NDUFB7: variants seen among roughly 807,000 people sequenced by gnomAD.
NDUFB7 encodes the protein NADH dehydrogenase [ubiquinone] 1 beta subcomplex subunit 7.
In NDUFB7, 18 loss-of-function variants were observed where a neutral mutation model predicts 14.7. The ratio of observed to expected loss-of-function variants is 1.22; its 90% CI spans 0.85 to 1.81. The LOEUF (loss-of-function observed/expected upper bound fraction) is 1.81, where lower values mean the gene tolerates loss of function less well. Ranked by LOEUF, NDUFB7 falls within the 40% of genes most tolerant of loss-of-function variation. NDUFB7 has a pLI of 0.00. For missense variants in NDUFB7, 219 were observed against 195.0 expected (o/e 1.12, Z -0.73); for synonymous variants, 86 against 76.1 (o/e 1.13, Z -0.68).
Position 14,566,853 on chromosome 19 carries a change from G to A in NDUFB7, c.193C>T (p.Arg65Trp), listed in dbSNP as rs374505942. 27 of 1,568,152 alleles carry A rather than the reference G, an allele frequency of 1.7e-5. No homozygotes were observed. Among genetic ancestry groups the A allele is most frequent in the South Asian group, 3.5e-5 (3 of 85,818 alleles). Residue 65 changes from arginine (R) to tryptophan (W), a missense_variant, in exon 2 of 3, where the codon CGG (arginine) becomes TGG (tryptophan). By Grantham distance (101) the Arg-to-Trp change is moderately radical. Transcript: ENST00000215565. ...CTGTCACGCTTGCACTTGAGCAGCCGGATGAGGTGGTGGGCGCAGTAGTCC... is the reference window on the plus strand; with the variant it reads ...CTGTCACGCTTGCACTTGAGCAGCCAGATGAGGTGGTGGGCGCAGTAGTCC... ...LRDYCAHHLI[R>W]LLKCKRDSFP...
rs1415062578 is a variant in NDUFB7, at chr19:14,567,403, G to A, written c.113-470C>T. On this transcript the variant is annotated intron_variant, in intron 1 of 2. Coordinates refer to ENST00000215565, the MANE Select transcript of NDUFB7 (RefSeq NM_004146.6). This position sits in a 1 kb window ranked among gnomAD's most constrained non-coding sequence, Gnocchi z 5.1. ...GCCCAGCTCTGCACTGGCCGGCGGC[G>A]TGGCCTCTCTCTCAGCCTCAGAACT... is the stretch of plus-strand genomic sequence containing the variant. Among the ~76,000 whole-genome samples the A allele has an allele frequency of 1.0e-5, 1 of 99,820 alleles. No individual in the cohort carries two copies. Among genetic ancestry groups the A allele is most frequent in the Non-Finnish European group, 2.2e-5 (1 of 45,660 alleles). 65.5% of individuals were successfully genotyped at this position (99,820 alleles called of 152,430 possible). A position where few individuals can be genotyped will look rare whatever the true frequency, so the allele number is the denominator to read the frequency against.
rs1411217648 is a variant in NDUFB7 at position 14,571,926 on chromosome 19, G to A, written c.75C>T (p.Phe25=). The A allele has an allele frequency of 6.8e-6, 11 of 1,612,282 alleles. No homozygotes were observed. Among genetic ancestry groups the A allele is most frequent in the Non-Finnish European group, 8.5e-6 (10 of 1,179,538 alleles). ...GTTCGGGGAAGCCGTAGTCTGGCGG[G>A]AAGGTTGGCATCTGCAGGGGGTCGG... ...VEPDPLQMPT[F]PPDYGFPERK... is the part of the protein sequence containing the mutation. The change falls in exon 1 of 3, where the codon TTC becomes TTT. Residue 25 remains phenylalanine, a synonymous_variant. Coordinates refer to ENST00000215565, the MANE Select transcript of NDUFB7 (RefSeq NM_004146.6).
chr19:14,569,921 C>T (rs951378161), intron 1 of NDUFB7, among the ~76,000 whole-genome samples: 5 of 152,142 alleles, frequency 3.3e-5, no homozygotes, highest in East Asian at 1.9e-4. Flanking sequence ...CAGACAGTCT[C>T]GCTCTGTCAC....
At chr19:14,566,370 C>G in intron 2 of NDUFB7, 105 bp from the exon 3 acceptor site, 1 of 1,547,754 alleles carries the variant, frequency 6.5e-7, no homozygotes, top group South Asian at 1.2e-5. Context: ...GGGGAGGCCT[C>G]TGAAGAAGAC....
intron 1 of NDUFB7, among the ~76,000 whole-genome samples, chr19:14,570,036 C>A (rs770028532): frequency 3.6e-4 from 55 of 151,774 alleles, no homozygotes; most frequent in Admixed American, 8.5e-4. Context: ...GGATTACAGG[C>A]ATGCGCCACC....
chr19:14,568,338 C>G (rs2074105417), intron 1 of NDUFB7, among the ~76,000 whole-genome samples: 1 of 152,182 alleles, frequency 6.6e-6, no homozygotes, highest in African/African-American at 2.4e-5. Flanking sequence ...AGCCACTGTG[C>G]CCGGCCTGAG....
chr19:14,570,451 C>T (rs1002984459), intron 1 of NDUFB7, among the ~76,000 whole-genome samples: 1 of 151,306 alleles, frequency 6.6e-6, no homozygotes, highest in Non-Finnish European at 1.5e-5. Flanking sequence ...CTGCCCGCCT[C>T]GGCCTCCCAA....
chr19:14,572,058 A>C lies in NDUFB7; in HGVS notation c.-58T>G. The C allele has an allele frequency of 7.6e-7, 1 of 1,308,414 alleles. No individual in the cohort carries two copies. Among genetic ancestry groups the C allele is most frequent in the Non-Finnish European group, 1.1e-6 (1 of 948,280 alleles). 81.1% of individuals were successfully genotyped at this position (1,308,414 alleles called of 1,614,324 possible). On this transcript the variant is annotated 5_prime_UTR_variant, in exon 1 of 3. Coordinates refer to ENST00000215565, the MANE Select transcript of NDUFB7 (RefSeq NM_004146.6). ...GAGGGTCACCTAGCTCCTACCCGGA[A>C]CCACTGACCCCTCAGTCAGACACAG...
chr19:14,571,988 G>C lies in NDUFB7; in HGVS notation c.13C>G (p.Leu5Val), dbSNP rs768563420. 3.1e-6 allele frequency: 5 copies of C among 1,603,614 alleles called. No homozygotes were observed. The Admixed American group carries it at 6.9e-5, about 22-fold the overall frequency. Residue 5 changes from leucine (L) to valine (V), a missense_variant, in exon 1 of 3, where the codon CTG (leucine) becomes GTG (valine). Leu to Val is a conservative substitution (Grantham distance 32). Transcript: ENST00000215565. ...GCATCGCCCAGGTAGCGCCGGACCA[G>C]GTGGGCCCCCATGGCTGCAGTCGCT... Reference protein sequence around the residue: MGAHLVRRYLGDASV... With the variant: MGAHVVRRYLGDASV...
chr19:14,570,964 C>T (rs2074121678), intron 1 of NDUFB7, among the ~76,000 whole-genome samples: 1 of 151,864 alleles, frequency 6.6e-6, no homozygotes, highest in Non-Finnish European at 1.5e-5. Context: ...TTGAGACCAG[C>T]CTGGGCAACA....
At chr19:14,568,036 G>C (rs1183139704) in intron 1 of NDUFB7, among the ~76,000 whole-genome samples, 2 of 152,070 alleles carry the variant, frequency 1.3e-5, no homozygotes, top group Non-Finnish European at 2.9e-5. Flanking sequence ...CTTACGCTTT[G>C]TTCTGGGAGC....
In NDUFB7 at chr19:14,571,909, A is replaced by C. The variant is rs200041574; in HGVS notation, c.92T>G (p.Phe31Cys). The C allele has an allele frequency of 2.9e-5, 46 of 1,611,334 alleles. No individual in the cohort carries two copies. The African/African-American group carries it at 5.5e-4, about 19-fold the overall frequency. Residue 31 changes from phenylalanine (F) to cysteine (C), a missense_variant, in exon 1 of 3, where the codon TTC becomes TGC. Coordinates refer to ENST00000215565, the MANE Select transcript of NDUFB7 (RefSeq NM_004146.6). ...QMPTFPPDYG[F>C]PERKEREMVA... ...CTCACCGCGCTCCTTGCGTTCGGGG[A>C]AGCCGTAGTCTGGCGGGAAGGTTGG... is the stretch of plus-strand genomic sequence containing the variant.
intron 1 of NDUFB7, 66 bp downstream of exon 1, chr19:14,571,823 G>A (rs1599516661): frequency 6.9e-7 from 1 of 1,451,254 alleles, no homozygotes; most frequent in African/African-American, 1.4e-5. Context: ...TGCCAGCCCT[G>A]GGGTGCCAGG....
intron 1 of NDUFB7, among the ~76,000 whole-genome samples, chr19:14,568,197 A>G (rs986239413): frequency 6.6e-5 from 10 of 152,272 alleles, no homozygotes; most frequent in African/African-American, 2.2e-4. Context: ...GGCGCCTGCC[A>G]CCATGCCCGA....
chr19:14,571,765 A>T, intron 1 of NDUFB7, 124 bp downstream of exon 1: 1 of 898,562 alleles, frequency 1.1e-6, no homozygotes, highest in Non-Finnish European at 1.7e-6. Context: ...CTCCTAGTCT[A>T]GACCCAAACC....
chr19:14,571,238 T>C (rs1015546033), intron 1 of NDUFB7, among the ~76,000 whole-genome samples: 1 of 152,144 alleles, frequency 6.6e-6, no homozygotes, highest in African/African-American at 2.4e-5. Context: ...ACAATTGCAG[T>C]GACATCAGGA....
In NDUFB7 at chr19:14,566,236, C is replaced by T. The variant is rs1190724762; in HGVS notation, c.311G>A (p.Arg104Gln). The T allele has an allele frequency of 6.2e-6, 10 of 1,613,994 alleles. No individual in the cohort carries two copies. Among genetic ancestry groups the T allele is most frequent in the East Asian group, 4.5e-5 (2 of 44,866 alleles). Residue 104 changes from arginine to glutamine, a missense_variant, in exon 3 of 3, where the codon CGG becomes CAG. By Grantham distance (43) the Arg-to-Gln change is conservative (BLOSUM62 1). Transcript: ENST00000215565. ...DYVMRMKEFE[R>Q]ERRLLQRKKR... ...CTTCCGCTGGAGCAGCCTCCGCTCC[C>T]GCTCAAACTCCTTCATGCGCATCAC... is the stretch of plus-strand genomic sequence containing the variant.
At position 14,572,018 on chromosome 19, in the gene NDUFB7, A is replaced by T; in HGVS notation, c.-18T>A. On this transcript the variant is annotated 5_prime_UTR_variant, in exon 1 of 3. Transcript: ENST00000215565. The stretch of plus-strand genomic sequence containing the variant: ...GCCCCCATGGCTGCAGTCGCTGCAG[A>T]TCCCTGCAGCAGCCGAGGGTCACCT... 1 of 1,564,930 alleles carries T rather than the reference A, an allele frequency of 6.4e-7. No homozygotes were observed. Among genetic ancestry groups the T allele is most frequent in the Non-Finnish European group, 8.7e-7 (1 of 1,151,724 alleles).
intron 2 of NDUFB7, 21 bp from the exon 3 acceptor site, chr19:14,566,286 G>A (rs1421112911): frequency 5.0e-6 from 8 of 1,613,300 alleles, no homozygotes; most frequent in African/African-American, 1.3e-5. Context: ...AGCACGAGAG[G>A]GGCTGTCAGG....
Sources: allele counts gnomAD v4.1 joint callset (sites outside exome capture counted in the v4.1 genomes callset), GRCh38; gene constraint gnomAD v4.1.1; non-coding constraint Gnocchi (gnomAD v3.1); transcripts MANE v1.5; gene names NCBI Gene and HGNC (gene_info 2026-07-23, HGNC 2026-07-21).